ADAMTS2: variants seen among roughly 807,000 people sequenced by gnomAD.
The protein encoded by ADAMTS2 is A disintegrin and metalloproteinase with thrombospondin motifs 2.
In ADAMTS2, 50 loss-of-function variants were observed where a neutral mutation model predicts 123.0. The ratio of observed to expected loss-of-function variants is 0.41; its 90% CI spans 0.32 to 0.51. The LOEUF is 0.51. ADAMTS2 is among the 20% of genes least tolerant of loss of function. ADAMTS2 has a pLI of 0.35. For missense variants in ADAMTS2, 1,494 were observed against 1,705.2 expected, an observed-to-expected ratio of 0.88 and a Z score of 2.18; for synonymous variants, 678 against 695.4, an observed-to-expected ratio of 0.98 and a Z score of 0.39.
chr5:179,321,406 C>T (rs1301351915), intron 2 of ADAMTS2, among the ~76,000 whole-genome samples: 1 of 152,216 alleles, frequency 6.6e-6, no homozygotes, highest in East Asian at 1.9e-4. Context: ...GTCAGTCTAG[C>T]TTCCACCAAC....
At chr5:179,239,333 G>A (rs545512512) in intron 3 of ADAMTS2, among the ~76,000 whole-genome samples, 1 of 152,292 alleles carries the variant, frequency 6.6e-6, no homozygotes, top group East Asian at 1.9e-4. Flanking sequence ...GAGGAAGAGA[G>A]GGGTCAACCC....
rs959874051 is a variant in ADAMTS2, at chr5:179,312,747, C to A, written c.534+31020G>T. On this transcript the variant is annotated intron_variant, in intron 2 of 21. Transcript: ENST00000251582. This position sits in a 1 kb window ranked among gnomAD's most constrained non-coding sequence, Gnocchi z 4.2. ...ACAAGCCAAGCACTGCTGGCTGCCA[C>A]GAGGACCTGGAAGAGCCCAGGACGC... Among the ~76,000 whole-genome samples the A allele has an allele frequency of 3.9e-5, 6 of 152,254 alleles. No homozygotes were observed. The highest frequency in any genetic ancestry group is 1.4e-4 in the African/African-American group (6 of 41,472).
At chr5:179,125,210 C>G (rs1254387895) in intron 18 of ADAMTS2, 30 bp from the exon 19 acceptor site, 1 of 1,605,066 alleles carries the variant, frequency 6.2e-7, no homozygotes, top group Non-Finnish European at 8.5e-7. Context: ...CACAGTCAGG[C>G]TTCCGCAGCA....
intron 3 of ADAMTS2, among the ~76,000 whole-genome samples, chr5:179,267,327 G>A (rs1766401332): frequency 6.6e-6 from 1 of 152,224 alleles, no homozygotes; most frequent in Non-Finnish European, 1.5e-5. Context: ...CTGTCTCCTG[G>A]AGGGCCTTCC....
At chr5:179,145,853 CTTAT>C (rs1261227251) in intron 10 of ADAMTS2, among the ~76,000 whole-genome samples, 1 of 152,128 alleles carries the variant, frequency 6.6e-6, no homozygotes, top group African/African-American at 2.4e-5. Flanking sequence ...CTCTCTTTTA[CTTAT>C]TTATTTATTT....
intron 2 of ADAMTS2, among the ~76,000 whole-genome samples, chr5:179,325,999 G>A (rs1045997834): frequency 4.6e-5 from 7 of 152,222 alleles, no homozygotes; most frequent in East Asian, 1.9e-4. Flanking sequence ...TGAGGGGTGC[G>A]GAGGAAGGGA....
rs150820845 is a variant in ADAMTS2, at chr5:179,188,475, C to A, written c.892-7320G>T. Among the ~76,000 whole-genome samples, 2 of 152,176 alleles carry A rather than the reference C, an allele frequency of 1.3e-5. No individual in the cohort carries two copies. The highest frequency in any genetic ancestry group is 1.5e-5 in the Non-Finnish European group (1 of 68,038). On this transcript the variant is annotated intron_variant, in intron 4 of 21. Transcript: ENST00000251582. The surrounding 1 kb of genome is among the most constrained non-coding windows in gnomAD (Gnocchi z 5.1). ...TTGCATGGTGCCTAAACGGGGCTGC[C>A]AGAGCCTGGGCTTATCATGAGAATC...
intron 5 of ADAMTS2, among the ~76,000 whole-genome samples, chr5:179,160,343 T>C (rs559308557): frequency 5.9e-5 from 9 of 152,208 alleles, no homozygotes; most frequent in Middle Eastern, 3.4e-3. Flanking sequence ...CCCAGCAACC[T>C]GGGAGGCTGA....
In ADAMTS2 at chr5:179,260,780, G is replaced by A. The variant is rs145631515; in HGVS notation, c.688+12131C>T. 5.0e-4 allele frequency among the ~76,000 whole-genome samples: 76 copies of A among 152,348 alleles called. No homozygotes were observed. Among genetic ancestry groups the A allele is most frequent in the Admixed American group, 1.1e-3 (17 of 15,304 alleles). On this transcript the variant is annotated intron_variant, in intron 3 of 21. Coordinates refer to ENST00000251582, the MANE Select transcript of ADAMTS2 (RefSeq NM_014244.5). The surrounding 1 kb of genome is among the most constrained non-coding windows in gnomAD (Gnocchi z 4.2). ...TCCTAGGAGATGATGTACCTGCAGC[G>A]TGCTGGCAGACGCGGTCAACGGTAA...
In ADAMTS2 at chr5:179,312,557, T is replaced by G. The variant is rs1204295611; in HGVS notation, c.534+31210A>C. ...TTTAAGCCGCTCCGTTTATGGTATTTGGCTATAGCAGCCTGCATGGACTAA... is the reference window on the plus strand; with the variant it reads ...TTTAAGCCGCTCCGTTTATGGTATTGGGCTATAGCAGCCTGCATGGACTAA... On this transcript the variant is annotated intron_variant, in intron 2 of 21. Transcript: ENST00000251582. This position sits in a 1 kb window ranked among gnomAD's most constrained non-coding sequence, Gnocchi z 4.2. Among the ~76,000 whole-genome samples, 1 of 152,234 alleles carries G rather than the reference T, an allele frequency of 6.6e-6. No individual in the cohort carries two copies. The highest frequency in any genetic ancestry group is 1.9e-4 in the East Asian group (1 of 5,200).
chr5:179,126,286 G>T (rs565301401), intron 17 of ADAMTS2, among the ~76,000 whole-genome samples, 156 bp from the exon 18 acceptor site: 7 of 152,204 alleles, frequency 4.6e-5, no homozygotes, highest in Non-Finnish European at 7.4e-5. Context: ...GCGGCTGGCT[G>T]GGGGGAGGCC....
At chr5:179,344,280 C>T (rs1581300496) in intron 1 of ADAMTS2, 119 bp from the exon 2 acceptor site, 2 of 1,328,310 alleles carry the variant, frequency 1.5e-6, no homozygotes, top group East Asian at 5.1e-5. Flanking sequence ...GGGCATTCCG[C>T]CAGGCGACCC....
intron 2 of ADAMTS2, among the ~76,000 whole-genome samples, chr5:179,279,706 T>C (rs1241048758): frequency 6.6e-6 from 1 of 152,192 alleles, no homozygotes; most frequent in Non-Finnish European, 1.5e-5. Flanking sequence ...GAGTGGGAAG[T>C]GTCATTGAGT....
At chr5:179,193,043 T>C (rs1270234164) in intron 4 of ADAMTS2, among the ~76,000 whole-genome samples, 1 of 152,184 alleles carries the variant, frequency 6.6e-6, no homozygotes, top group Non-Finnish European at 1.5e-5. Flanking sequence ...TGTGGAATGA[T>C]GCCCTCCCAC....
chr5:179,283,709 T>C (rs1221442176), intron 2 of ADAMTS2, among the ~76,000 whole-genome samples: 2 of 151,704 alleles, frequency 1.3e-5, no homozygotes, highest in African/African-American at 4.8e-5. Context: ...CTGGCCAACA[T>C]GGTGAAACCC....
chr5:179,152,097 G>A (rs1763370340), intron 10 of ADAMTS2, 45 bp downstream of exon 10: 1 of 1,563,826 alleles, frequency 6.4e-7, no homozygotes, highest in East Asian at 2.2e-5. Context: ...TAAGATTCCT[G>A]TCCTCTGCCC....
intron 5 of ADAMTS2, among the ~76,000 whole-genome samples, chr5:179,167,237 C>A (rs113246521): frequency 2.6e-5 from 4 of 151,508 alleles, no homozygotes; most frequent in South Asian, 4.2e-4. Context: ...TGCTGCCCCC[C>A]GCGCGGGGCG....
At chr5:179,161,715 T>C (rs776463210) in intron 5 of ADAMTS2, among the ~76,000 whole-genome samples, 2 of 152,120 alleles carry the variant, frequency 1.3e-5, no homozygotes, top group Non-Finnish European at 2.9e-5. Context: ...GAAATGATAA[T>C]GTTTGAGGTG....
intron 2 of ADAMTS2, among the ~76,000 whole-genome samples, chr5:179,330,339 C>T (rs533475904): frequency 6.6e-6 from 1 of 152,174 alleles, no homozygotes; most frequent in South Asian, 2.1e-4. Flanking sequence ...ACAGAGACGG[C>T]CTACATCTAC....
Sources: gnomAD v4.1 joint callset for allele counts (sites outside exome capture counted in the v4.1 genomes callset) on GRCh38, gnomAD v4.1.1 for gene constraint, Gnocchi (gnomAD v3.1) non-coding constraint, MANE v1.5 for transcripts, NCBI Gene and HGNC (gene_info 2026-07-23, HGNC 2026-07-21) for gene names.